Variants in ABCA13 observed in about 807,000 individuals in gnomAD.
The protein encoded by ABCA13 is ATP-binding cassette sub-family A member 13.
ABCA13 carries 476 observed loss-of-function variants against 478.7 expected under a neutral mutation model. That is an observed-to-expected ratio of 0.99 (90% CI 0.92 to 1.07). The LOEUF (loss-of-function observed/expected upper bound fraction) is 1.07. ABCA13 is among the 50% of genes least tolerant of loss of function. ABCA13 has a pLI of 0.00. For missense variants in ABCA13, 6,060 were observed against 5,910.6 expected, an observed-to-expected ratio of 1.03 and a Z score of -0.83; for synonymous variants, 2,252 against 2,158.9, an observed-to-expected ratio of 1.04 and a Z score of -1.20.
chr7:48,560,694 T>C (rs1431635285), intron 55 of ABCA13, among the ~76,000 whole-genome samples: 1 of 152,210 alleles, frequency 6.6e-6, no homozygotes, highest in African/African-American at 2.4e-5. Context: ...TTTTAACTTT[T>C]GTGTGATAAG....
At chr7:48,362,068 T>G (rs753139417) in intron 31 of ABCA13, among the ~76,000 whole-genome samples, 5 of 151,988 alleles carry the variant, frequency 3.3e-5, no homozygotes, top group Non-Finnish European at 7.4e-5. Context: ...AACCCACTTT[T>G]GTGAATGATT....
chr7:48,636,822 T>A (rs1794676393), intron 59 of ABCA13, among the ~76,000 whole-genome samples: 1 of 152,168 alleles, frequency 6.6e-6, no homozygotes, highest in Admixed American at 6.5e-5. Flanking sequence ...TACTCAGGCA[T>A]CCAGTTGGAA....
At chr7:48,261,851 A>G (rs919335541) in intron 15 of ABCA13, among the ~76,000 whole-genome samples, 1 of 151,950 alleles carries the variant, frequency 6.6e-6, no homozygotes, top group African/African-American at 2.4e-5. Context: ...ATATTTAAAA[A>G]TGAGGCACTA....
intron 24 of ABCA13, among the ~76,000 whole-genome samples, chr7:48,312,630 A>T (rs147918065): frequency 6.6e-6 from 1 of 152,350 alleles, no homozygotes; most frequent in East Asian, 1.9e-4. Context: ...CAAAACGAAC[A>T]GTATAATGCA....
chr7:48,276,858 T>G (rs923584763), intron 17 of ABCA13, among the ~76,000 whole-genome samples: 4 of 152,174 alleles, frequency 2.6e-5, no homozygotes, highest in African/African-American at 9.7e-5. Flanking sequence ...TCTGAAAAAT[T>G]AGTTTTCATA....
intron 48 of ABCA13, among the ~76,000 whole-genome samples, chr7:48,494,002 C>T (rs891630340): frequency 6.6e-6 from 1 of 152,114 alleles, no homozygotes; most frequent in Non-Finnish European, 1.5e-5. Flanking sequence ...TAGGAAGGAA[C>T]CTGATGGATA....
chr7:48,595,809 A>T (rs57370511), intron 58 of ABCA13, among the ~76,000 whole-genome samples: 20,543 of 152,176 alleles, frequency 0.13, 1,677 homozygotes, highest in Admixed American at 0.23. Context: ...TACTAGCATA[A>T]CTTTGAGAAA....
At chr7:48,519,274 A>G (rs376828796) in intron 52 of ABCA13, among the ~76,000 whole-genome samples, 54 of 152,158 alleles carry the variant, frequency 3.5e-4, no homozygotes, top group African/African-American at 1.2e-3. Context: ...ATGTGTGCAC[A>G]TATCTTTGGA....
At chr7:48,487,321 AAAC>A in intron 47 of ABCA13, among the ~76,000 whole-genome samples, 1 of 107,880 alleles carries the variant, frequency 9.3e-6, no homozygotes, top group African/African-American at 6.1e-5. Context: ...AAAAAAAACA[AAAC>A]AAAACAAAAC....
At chr7:48,237,051 A>G (rs1250188174) in intron 8 of ABCA13, among the ~76,000 whole-genome samples, 1 of 127,462 alleles carries the variant, frequency 7.8e-6, no homozygotes, top group African/African-American at 3.1e-5. Flanking sequence ...TTTGGTGGGC[A>G]GGGGACTAGG....
At chr7:48,637,585 A>C (rs1794777619) in intron 59 of ABCA13, among the ~76,000 whole-genome samples, 1 of 152,026 alleles carries the variant, frequency 6.6e-6, no homozygotes, top group African/African-American at 2.4e-5. Context: ...TTAAAAATGC[A>C]AGAGGCCACA....
intron 43 of ABCA13, among the ~76,000 whole-genome samples, chr7:48,463,870 T>C (rs1057450021): frequency 1.3e-5 from 2 of 151,082 alleles, no homozygotes; most frequent in Admixed American, 1.3e-4. Flanking sequence ...AAGGGAGGAA[T>C]GGAGGAAGGA....
chr7:48,397,419 A>G (rs1563184957), intron 38 of ABCA13, among the ~76,000 whole-genome samples: 1 of 152,106 alleles, frequency 6.6e-6, no homozygotes, highest in East Asian at 1.9e-4. Flanking sequence ...TTTGCAATAT[A>G]TACTCATTTC....
At position 48,193,684 on chromosome 7, in the gene ABCA13, A is replaced by G. The variant is rs145994636; in HGVS notation, c.163+632A>G. On this transcript the variant is annotated intron_variant, in intron 2 of 61. Transcript: ENST00000435803. The stretch of plus-strand genomic sequence containing the variant: ...GATGGAGATGATGATGGAGATGATG[A>G]TAGTGATGATGGTGATAATAATAGA... Among the ~76,000 whole-genome samples, 393 of 151,510 alleles carry G rather than the reference A, an allele frequency of 2.6e-3. 1 individual carries two copies. Among genetic ancestry groups the G allele is most frequent in the Non-Finnish European group, 4.4e-3 (300 of 67,784 alleles).
chr7:48,347,352 AG>A (rs1055676033), intron 29 of ABCA13, among the ~76,000 whole-genome samples: 1 of 152,172 alleles, frequency 6.6e-6, no homozygotes, highest in Admixed American at 6.5e-5. Flanking sequence ...CACCTTCTCA[AG>A]GCTCATCCAG....
At position 48,367,851 on chromosome 7, in the gene ABCA13, G is replaced by A. The variant is rs770955113; in HGVS notation, c.10746G>A (p.Val3582=). The A allele has an allele frequency of 2.3e-5, 36 of 1,582,696 alleles. No individual in the cohort carries two copies. Among genetic ancestry groups the A allele is most frequent in the Non-Finnish European group, 3.1e-5 (36 of 1,163,314 alleles). The change falls in exon 32 of 62, where the codon GTG becomes GTA. Residue 3582 remains valine, a synonymous_variant. Transcript: ENST00000435803. The stretch of plus-strand genomic sequence containing the variant: ...TGATAATGATGCTGACGTGGATGGT[G>A]TCTGTGGCCAGCATGGTCAGAAAGT... The part of the protein sequence containing the change: ...FPLIMMLTWM[V]SVASMVRKLV...
intron 45 of ABCA13, among the ~76,000 whole-genome samples, chr7:48,473,862 C>T (rs1827790446): frequency 6.6e-6 from 1 of 152,170 alleles, no homozygotes; most frequent in African/African-American, 2.4e-5. Flanking sequence ...AACTAGTCTG[C>T]TTTCTTCTCT....
At chr7:48,606,793 G>A (rs1563498458) in intron 58 of ABCA13, among the ~76,000 whole-genome samples, 1 of 152,226 alleles carries the variant, frequency 6.6e-6, no homozygotes, top group Non-Finnish European at 1.5e-5. Flanking sequence ...GGACGTTTAA[G>A]TCTGCTGAAG....
In ABCA13 at chr7:48,294,438, T is replaced by TG. The variant is rs1422718102; in HGVS notation, c.8956-1262_8956-1261insG. 3.6e-3 allele frequency among the ~76,000 whole-genome samples: 261 copies of TG among 73,268 alleles called. 2 individuals are homozygous for TG. The highest frequency in any genetic ancestry group is 0.016 in the East Asian group (23 of 1,440). 48.1% of individuals were successfully genotyped at this position (73,268 alleles called of 152,430 possible). Reference sequence around the variant, plus strand: ...TTGTTTCTATGGGTTTTTTTTTTTTTTTTGTTTTGTTTTTTTTTTGAGACG... The same window carrying TG: ...TTGTTTCTATGGGTTTTTTTTTTTTTGTTTGTTTTGTTTTTTTTTTGAGACG... On this transcript the variant is annotated intron_variant, in intron 20 of 61. Transcript: ENST00000435803.
Sources: gnomAD v4.1 joint callset for allele counts (sites outside exome capture counted in the v4.1 genomes callset) on GRCh38, gnomAD v4.1.1 for gene constraint, MANE v1.5 for transcripts, NCBI Gene and HGNC (gene_info 2026-07-23, HGNC 2026-07-21) for gene names.